The following MANBA variants were observed in gnomAD, a reference collection of about 807,000 sequenced individuals.
MANBA encodes beta-mannosidase.
A neutral mutation model predicts 111.1 loss-of-function variants in MANBA; 83 were observed. The ratio of observed to expected loss-of-function variants is 0.75; its 90% confidence interval spans 0.63 to 0.90. The LOEUF is 0.90. Ranked by LOEUF, MANBA falls within the 40% of genes least tolerant of loss-of-function variation. The pLI, the probability that MANBA is intolerant of heterozygous loss-of-function variation, is 0.00. For synonymous variants in MANBA, 370 were observed against 378.7 expected (o/e 0.98, Z 0.27); for missense variants, 1,036 against 1,069.0 (o/e 0.97, Z 0.43).
chr4:102,672,206 A>G (rs1040683830), intron 8 of MANBA: 5 of 397,716 alleles, frequency 1.3e-5, no homozygotes, highest in Admixed American at 8.8e-5. Context: ...GGAAAAAATC[A>G]GGGTTTAGTT....
rs1435383881 is a variant in MANBA, at chr4:102,673,970, C to T, written c.1061G>A (p.Gly354Asp). The T allele has an allele frequency of 6.2e-7, 1 of 1,610,812 alleles. No individual in the cohort carries two copies. The highest frequency in any genetic ancestry group is 8.5e-7 in the Non-Finnish European group (1 of 1,177,112). Residue 354 changes from glycine to aspartate, a missense_variant, in exon 8 of 17, where the codon GGC (glycine) becomes GAC (aspartate). Physicochemically the swap from Gly to Asp is moderately conservative, Grantham distance 94 (BLOSUM62 -1). Coordinates refer to ENST00000647097, the MANE Select transcript of MANBA (RefSeq NM_005908.4). ...TGAATCTGCTGGGATCCAGTTTGAG[C>T]CTTTTAGAAATATGGGAAATCCATT... ...KINGFPIFLK[G>D]SNWIPADSFQ... is the part of the protein sequence containing the mutation.
intron 5 of MANBA, among the ~76,000 whole-genome samples, chr4:102,711,049 G>T (rs1365680022): frequency 6.6e-6 from 1 of 152,030 alleles, no homozygotes; most frequent in Non-Finnish European, 1.5e-5. Flanking sequence ...TCAAGACATC[G>T]ATCTAGACAA....
At position 102,644,429 on chromosome 4, in the gene MANBA, C is replaced by T. The variant is rs77936094; in HGVS notation, c.1870-4572G>A. ...TGTGATACATATACACAATAGAATA[C>T]GATCCAGCCTTAAAAATAAAGGAAA... is the stretch of plus-strand genomic sequence containing the variant. On this transcript the variant is annotated intron_variant, in intron 13 of 16. Transcript: ENST00000647097. Among the ~76,000 whole-genome samples, 1,291 of 152,098 alleles carry T rather than the reference C, an allele frequency of 8.5e-3. 19 individuals carry two copies. Among genetic ancestry groups the T allele is most frequent in the African/African-American group, 0.03 (1,230 of 41,486 alleles).
At chr4:102,692,359 TG>T (rs1223914891) in intron 5 of MANBA, among the ~76,000 whole-genome samples, 1 of 152,118 alleles carries the variant, frequency 6.6e-6, no homozygotes, top group African/African-American at 2.4e-5. Context: ...GTGCAGAGTT[TG>T]GGGTTGTCAG....
chr4:102,729,892 G>A, intron 1 of MANBA: 3 of 1,528,830 alleles, frequency 2.0e-6, no homozygotes, highest in Non-Finnish European at 1.8e-6. Flanking sequence ...GTCTTGATCT[G>A]CTGCTTCTCC....
intron 11 of MANBA, among the ~76,000 whole-genome samples, chr4:102,664,481 TG>T (rs1362819991): frequency 4.6e-5 from 7 of 152,256 alleles, no homozygotes; most frequent in Non-Finnish European, 7.4e-5. Context: ...CCCGAGTAGC[TG>T]GGACTACAGG....
In MANBA at chr4:102,760,699, G is replaced by C; in HGVS notation, c.177+19C>G. 1 of 1,516,440 alleles carries C rather than the reference G, an allele frequency of 6.6e-7. No homozygotes were observed. The highest frequency in any genetic ancestry group is 8.9e-7 in the Non-Finnish European group (1 of 1,125,792). The allele number at this position is 1,516,440 out of a possible 1,614,324, so 93.9% of individuals were successfully genotyped here. A position where few individuals can be genotyped will look rare whatever the true frequency, so the allele number is the denominator to read the frequency against. Reference sequence around the variant, plus strand: ...AGAAGGCGGGCGCAGGCTCGCCGCGGGTCGGCCGCACGCCATACCTGGATC... The same window carrying C: ...AGAAGGCGGGCGCAGGCTCGCCGCGCGTCGGCCGCACGCCATACCTGGATC... On this transcript the variant is annotated intron_variant, in intron 1 of 16. Coordinates refer to ENST00000647097, the MANE Select transcript of MANBA (RefSeq NM_005908.4).
At chr4:102,716,309 C>CAAAAA (rs56345161) in intron 4 of MANBA, among the ~76,000 whole-genome samples, 18 of 39,114 alleles carry the variant, frequency 4.6e-4, no homozygotes, top group African/African-American at 1.2e-3. Context: ...AACTCAGTCT[C>CAAAAA]AAAAAAAAAA....
intron 1 of MANBA, among the ~76,000 whole-genome samples, chr4:102,737,559 T>G (rs1363156146): frequency 6.6e-6 from 1 of 152,022 alleles, no homozygotes; most frequent in African/African-American, 2.4e-5. Flanking sequence ...CTCTGCTCAC[T>G]GCAAGCTCCG....
chr4:102,636,277 T>C (rs1330239253), intron 14 of MANBA, among the ~76,000 whole-genome samples: 4 of 152,216 alleles, frequency 2.6e-5, no homozygotes, highest in Admixed American at 6.5e-5. Context: ...TGTGTGATCA[T>C]AGAGTGTACT....
In MANBA at chr4:102,723,957, T is replaced by C. The variant is rs1168636481; in HGVS notation, c.283A>G (p.Lys95Glu). The change falls in exon 3 of 17, where the codon AAA (lysine) becomes GAA (glutamate). Residue 95 changes from lysine to glutamate, a missense_variant. Lys to Glu is a moderately conservative substitution (Grantham distance 56). Coordinates refer to ENST00000647097, the MANE Select transcript of MANBA (RefSeq NM_005908.4). ...KIPFEISKWQKVNLILEGVDT... is the reference protein window; with the variant it reads ...KIPFEISKWQEVNLILEGVDT... Reference sequence around the variant, plus strand: ...ACTCCCTCAAGAATCAAATTTACTTTTTGCCATTTGCTAAAAAAAAGAAAA... The same window carrying C: ...ACTCCCTCAAGAATCAAATTTACTTCTTGCCATTTGCTAAAAAAAAGAAAA... The C allele has an allele frequency of 3.8e-6, 6 of 1,596,004 alleles. No homozygotes were observed. Among genetic ancestry groups the C allele is most frequent in the East Asian group, 2.2e-5 (1 of 44,688 alleles).
Position 102,664,676 on chromosome 4 carries a change from A to G in MANBA, c.1485+9T>C, listed in dbSNP as rs199592616. Reference sequence around the variant, plus strand: ...CTTAAATTCTACTGCATTAAAAATCATTACTTACTGCCAGTACGAGCTCTC... The same window carrying G: ...CTTAAATTCTACTGCATTAAAAATCGTTACTTACTGCCAGTACGAGCTCTC... On this transcript the variant is annotated intron_variant, in intron 11 of 16. Transcript: ENST00000647097. 6.2e-4 allele frequency: 1,000 copies of G among 1,605,588 alleles called. 6 individuals are homozygous for G. The South Asian group carries it at 6.6e-3, about 11-fold the overall frequency.
chr4:102,690,476 T>C (rs1449513575), intron 6 of MANBA, 120 bp downstream of exon 6: 1 of 935,118 alleles, frequency 1.1e-6, no homozygotes, highest in African/African-American at 1.6e-5. Flanking sequence ...GAGAAGAAAA[T>C]GACAAATATA....
intron 5 of MANBA, among the ~76,000 whole-genome samples, chr4:102,708,759 C>G (rs1560788255): frequency 6.6e-6 from 1 of 151,662 alleles, no homozygotes; most frequent in Non-Finnish European, 1.5e-5. Flanking sequence ...GTAGACTAAT[C>G]AAGGAGAAGA....
chr4:102,673,573 T>C (rs1016838478), intron 8 of MANBA, among the ~76,000 whole-genome samples: 1 of 152,102 alleles, frequency 6.6e-6, no homozygotes, highest in African/African-American at 2.4e-5. Context: ...ATTTAACGTA[T>C]CATTTGAAAA....
At chr4:102,743,838 A>C (rs1723498061) in intron 1 of MANBA, among the ~76,000 whole-genome samples, 2 of 152,214 alleles carry the variant, frequency 1.3e-5, no homozygotes, top group Non-Finnish European at 2.9e-5. Flanking sequence ...GCTGTCTCTC[A>C]AAAGGAGAGT....
intron 9 of MANBA, among the ~76,000 whole-genome samples, chr4:102,669,853 G>A (rs906039647): frequency 3.3e-5 from 5 of 152,228 alleles, no homozygotes; most frequent in Admixed American, 2.0e-4. Context: ...GGTGGTGAGC[G>A]CCTGTGGTCC....
chr4:102,651,965 TTTAA>T (rs33945021), intron 12 of MANBA, among the ~76,000 whole-genome samples: 65,521 of 151,570 alleles, frequency 0.43, 14,557 homozygotes, highest in South Asian at 0.53. Flanking sequence ...GTTTATTATT[TTTAA>T]TTGACACAAT....
chr4:102,634,096 T>C (rs6821133), intron 16 of MANBA, among the ~76,000 whole-genome samples: 83,140 of 151,556 alleles, frequency 0.55, 23,205 homozygotes, highest in African/African-American at 0.63. Context: ...AACATATATG[T>C]GTACATATAT....
Sources: gnomAD v4.1 joint callset for allele counts (sites outside exome capture counted in the v4.1 genomes callset) on GRCh38, gnomAD v4.1.1 for gene constraint, MANE v1.5 for transcripts, NCBI Gene and HGNC (gene_info 2026-07-23, HGNC 2026-07-21) for gene names.